TTC39C: variants seen among roughly 807,000 people sequenced by gnomAD.
TTC39C encodes tetratricopeptide repeat domain 39C.
Under a neutral mutation model 76.3 loss-of-function variants are expected in TTC39C, and 33 were observed. The ratio of observed to expected loss-of-function variants is 0.43; its 90% CI spans 0.33 to 0.58. The LOEUF (loss-of-function observed/expected upper bound fraction) is 0.58, where lower values mean the gene tolerates loss of function less well. Ranked by LOEUF, TTC39C falls within the 20% of genes least tolerant of loss-of-function variation. TTC39C has a pLI of 0.04. For missense variants in TTC39C, 595 were observed against 701.4 expected, an observed-to-expected ratio of 0.85 and a Z score of 1.71; for synonymous variants, 254 against 260.6, an observed-to-expected ratio of 0.97 and a Z score of 0.24.
rs564295939 is a variant in TTC39C, at chr18:24,014,836, A to C, written c.-36A>C. The C allele has an allele frequency of 8.2e-7, 1 of 1,219,514 alleles. No individual in the cohort carries two copies. Among genetic ancestry groups the C allele is most frequent in the Non-Finnish European group, 1.0e-6 (1 of 974,142 alleles). The allele number at this position is 1,219,514 out of a possible 1,614,324, so 75.5% of individuals were successfully genotyped here. On this transcript the variant is annotated 5_prime_UTR_variant, in exon 1 of 14. Transcript: ENST00000317571. ...CGCGGGGCCGCAGCAGCTGCTCCCGATCTCGCCTCGGCCCAGCGCAGGGCC... is the reference window on the plus strand; with the variant it reads ...CGCGGGGCCGCAGCAGCTGCTCCCGCTCTCGCCTCGGCCCAGCGCAGGGCC...
intron 1 of TTC39C, among the ~76,000 whole-genome samples, chr18:24,042,112 A>G (rs1438192791): frequency 1.3e-5 from 2 of 152,234 alleles, no homozygotes; most frequent in Non-Finnish European, 1.5e-5. Flanking sequence ...GATCTATGTT[A>G]TAAAACAACT....
chr18:24,066,274 G>A, intron 3 of TTC39C, 134 bp downstream of exon 3: 1 of 1,211,878 alleles, frequency 8.3e-7, no homozygotes, highest in Non-Finnish European at 1.1e-6. Context: ...GTTTCTTATG[G>A]TTTTTGGTTA....
At chr18:24,002,882 G>A (rs1395016722) in intron 1 of TTC39C, among the ~76,000 whole-genome samples, 2 of 152,140 alleles carry the variant, frequency 1.3e-5, no homozygotes, top group East Asian at 1.9e-4. Flanking sequence ...ACACACAGTG[G>A]GACTTACAAG....
chr18:24,048,377 A>C (rs1406387810), intron 1 of TTC39C, among the ~76,000 whole-genome samples: 1 of 152,216 alleles, frequency 6.6e-6, no homozygotes, highest in Non-Finnish European at 1.5e-5. Context: ...ATTTTGTTAA[A>C]ATTTAAATTT....
intron 6 of TTC39C, among the ~76,000 whole-genome samples, chr18:24,091,423 C>G (rs1364887813): frequency 1.3e-5 from 2 of 152,142 alleles, no homozygotes; most frequent in South Asian, 4.1e-4. Context: ...GCCTGGGTGA[C>G]AAAGCCAGAC....
intron 6 of TTC39C, among the ~76,000 whole-genome samples, chr18:24,096,363 TC>T (rs2084590076): frequency 6.6e-6 from 1 of 152,222 alleles, no homozygotes; most frequent in Non-Finnish European, 1.5e-5. Flanking sequence ...ATATTTTCTG[TC>T]TATTACTTTC....
intron 1 of TTC39C, among the ~76,000 whole-genome samples, chr18:24,001,138 GC>G (rs1291556628): frequency 6.6e-6 from 1 of 152,190 alleles, no homozygotes; most frequent in Non-Finnish European, 1.5e-5. Flanking sequence ...ATGAAAGCCA[GC>G]TTGGGGTCTT....
chr18:24,069,362 T>G, intron 4 of TTC39C, 91 bp downstream of exon 4: 1 of 1,086,520 alleles, frequency 9.2e-7, no homozygotes, highest in Middle Eastern at 2.6e-4. Context: ...ATTTCAGTCT[T>G]TGAACACATG....
intron 4 of TTC39C, among the ~76,000 whole-genome samples, chr18:24,074,191 G>A (rs1331613827): frequency 6.6e-6 from 1 of 152,234 alleles, no homozygotes; most frequent in Non-Finnish European, 1.5e-5. Context: ...GGGAACAAGT[G>A]TTTCTGAATC....
chr18:24,080,654 A>G lies in TTC39C; in HGVS notation c.530A>G (p.Asn177Ser), dbSNP rs557906382. 5.6e-6 allele frequency: 9 copies of G among 1,614,176 alleles called. No homozygotes were observed. The highest frequency in any genetic ancestry group is 4.2e-6 in the Non-Finnish European group (5 of 1,180,014). Residue 177 changes from asparagine (N) to serine (S), a missense_variant, in exon 5 of 14, where the codon AAT becomes AGT. Asn to Ser is a conservative substitution (Grantham distance 46, BLOSUM62 1). Transcript: ENST00000317571. ...TACAATAAATGCTATCTGGACATCA[A>G]TGCCCTTCAGGAGCTGTATCAGAAG... ...KIYNKCYLDI[N>S]ALQELYQKKL...
intron 7 of TTC39C, among the ~76,000 whole-genome samples, chr18:24,117,401 A>G (rs1031751371): frequency 6.6e-6 from 1 of 152,126 alleles, no homozygotes; most frequent in Admixed American, 6.5e-5. Flanking sequence ...TAGATCTTAT[A>G]AAGTTTTGAG....
intron 1 of TTC39C, among the ~76,000 whole-genome samples, chr18:24,059,311 C>T (rs2084059834): frequency 6.6e-6 from 1 of 152,154 alleles, no homozygotes; most frequent in African/African-American, 2.4e-5. Flanking sequence ...TTTCATCACC[C>T]AGGTATTAAG....
chr18:24,132,355 G>A (rs1432368894), intron 13 of TTC39C, 130 bp from the exon 14 acceptor site: 1 of 657,508 alleles, frequency 1.5e-6, no homozygotes, highest in Admixed American at 3.4e-5. Context: ...AAATCAAGTG[G>A]ATGGGAAACC....
At position 24,066,109 on chromosome 18, in the gene TTC39C, T is replaced by C. The variant is rs2084163767; in HGVS notation, c.314T>C (p.Ile105Thr). 3 of 1,599,418 alleles carry C rather than the reference T, an allele frequency of 1.9e-6. No individual in the cohort carries two copies. Residue 105 changes from isoleucine to threonine, a missense_variant, in exon 3 of 14, where the codon ATT becomes ACT. Physicochemically the swap from Ile to Thr is moderately conservative, Grantham distance 89. Coordinates refer to ENST00000317571, the MANE Select transcript of TTC39C (RefSeq NM_001135993.2). The part of the protein sequence containing the change: ...KLCESEEAGV[I>T]ETIKNKIKKN... ...TGTGAAAGTGAAGAGGCTGGAGTAATTGAAACAATCAAGAATAAAATTAAG... is the reference window on the plus strand; with the variant it reads ...TGTGAAAGTGAAGAGGCTGGAGTAACTGAAACAATCAAGAATAAAATTAAG...
At chr18:24,021,539 C>CTT (rs60505555) in intron 1 of TTC39C, among the ~76,000 whole-genome samples, 1,499 of 118,766 alleles carry the variant, frequency 0.013, 51 homozygotes, top group African/African-American at 0.046. Flanking sequence ...TTCTTTCCTT[C>CTT]TTTTTTTTTT....
In TTC39C at chr18:24,108,677, A is replaced by G. The variant is rs148633361; in HGVS notation, c.985-5877A>G. Among the ~76,000 whole-genome samples, 3 of 152,316 alleles carry G rather than the reference A, an allele frequency of 2.0e-5. No individual in the cohort carries two copies. The East Asian group carries it at 5.8e-4, about 29-fold the overall frequency. ...TATCAAGAATAGCTTGAATTTTTTA[A>G]TTGTGTGGAAAATGTCACCTGTAGT... On this transcript the variant is annotated intron_variant, in intron 6 of 13. Transcript: ENST00000317571.
At chr18:24,007,874 G>A (rs1306959003) in intron 1 of TTC39C, among the ~76,000 whole-genome samples, 1 of 124,242 alleles carries the variant, frequency 8.0e-6, no homozygotes, top group Non-Finnish European at 1.7e-5. Flanking sequence ...AAGTAAATAT[G>A]TGAACAGAAG....
At chr18:24,044,115 C>T (rs913106885) in intron 1 of TTC39C, among the ~76,000 whole-genome samples, 14 of 150,646 alleles carry the variant, frequency 9.3e-5, no homozygotes, top group Non-Finnish European at 1.3e-4. Flanking sequence ...TTGTTAGAGC[C>T]GTAGTGCAAA....
chr18:24,028,920 A>G (rs1327385641), intron 1 of TTC39C, among the ~76,000 whole-genome samples: 2 of 151,462 alleles, frequency 1.3e-5, no homozygotes, highest in Non-Finnish European at 2.9e-5. Flanking sequence ...ACGGGGTTTC[A>G]CCATATTGAT....
Sources: allele counts gnomAD v4.1 joint callset (sites outside exome capture counted in the v4.1 genomes callset), GRCh38; gene constraint gnomAD v4.1.1; transcripts MANE v1.5; gene names NCBI Gene and HGNC (gene_info 2026-07-23, HGNC 2026-07-21).